Variants in CHD5 observed in about 807,000 individuals in gnomAD.
CHD5 encodes the protein ATP-dependent chromatin remodeler CHD5.
In CHD5, 69 loss-of-function variants were observed where a neutral mutation model predicts 230.3. That is an observed-to-expected ratio of 0.30 (90% CI 0.25 to 0.37). CHD5 has a LOEUF of 0.37. CHD5 is among the 10% of genes least tolerant of loss of function. CHD5 has a pLI of 1.00. For missense variants in CHD5, 1,827 were observed against 2,622.8 expected, an observed-to-expected ratio of 0.70 and a Z score of 6.63; for synonymous variants, 1,064 against 1,065.9, an observed-to-expected ratio of 1.00 and a Z score of 0.03.
rs897444847 is a variant in CHD5 at position 6,136,657 on chromosome 1, G to A, written c.2575-19C>T. The A allele has an allele frequency of 1.9e-6, 3 of 1,613,740 alleles. No homozygotes were observed. The highest frequency in any genetic ancestry group is 1.3e-5 in the African/African-American group (1 of 75,048). On this transcript the variant is annotated intron_variant, in intron 16 of 41. Transcript: ENST00000262450. ...TAAAAAACTGAGGGGAGGAGAGTGG[G>A]GCCTGTCAGGGGGCTCTGGGCGGCC...
At chr1:6,150,456 G>A (rs971405112) in intron 7 of CHD5, among the ~76,000 whole-genome samples, 7 of 147,956 alleles carry the variant, frequency 4.7e-5, no homozygotes, top group Non-Finnish European at 1.5e-5. Context: ...ATGGATGGAT[G>A]GATGGATGGA....
chr1:6,145,847 C>G (rs1666900424), intron 11 of CHD5, among the ~76,000 whole-genome samples: 1 of 152,222 alleles, frequency 6.6e-6, no homozygotes, highest in Admixed American at 6.5e-5. Flanking sequence ...GTACAGCCAG[C>G]TGCTGTTACA....
At chr1:6,173,914 T>C (rs115415928) in intron 1 of CHD5, among the ~76,000 whole-genome samples, 2,912 of 152,276 alleles carry the variant, frequency 0.019, 53 homozygotes, top group African/African-American at 0.049. Context: ...ATTTATGACA[T>C]TTAACAAAAC....
intron 1 of CHD5, among the ~76,000 whole-genome samples, chr1:6,170,626 G>T (rs1667322466): frequency 6.6e-6 from 1 of 152,184 alleles, no homozygotes; most frequent in Non-Finnish European, 1.5e-5. Flanking sequence ...CCCTGTGGAG[G>T]GCTAGGGCAC....
rs745426545 is a variant in CHD5, at chr1:6,112,966, C to T, written c.4945G>A (p.Asp1649Asn). 1.9e-6 allele frequency: 3 copies of T among 1,613,952 alleles called. No individual in the cohort carries two copies. In the East Asian group the frequency reaches 6.7e-5, roughly 36 times the overall value. ...EVLPEKEKIL[D>N]KLELSLIHSR... ...TGGATCAAGCTCAGCTCCAGCTTGT[C>T]CAGGATCTTCTCCTTCTCAGGAAGC... The change falls in exon 34 of 42, where the codon GAC becomes AAC. Residue 1649 changes from aspartate (D) to asparagine (N), a missense_variant. Asp to Asn is a conservative substitution (Grantham distance 23). Around this residue, in one of 14 missense-constraint regions of CHD5, gnomAD observed 272 missense variants for 263.2 expected, o/e 1.03. Coordinates refer to ENST00000262450, the MANE Select transcript of CHD5 (RefSeq NM_015557.3).
intron 33 of CHD5, chr1:6,113,235 C>T (rs1666321497): frequency 2.0e-6 from 1 of 506,104 alleles, no homozygotes; most frequent in Non-Finnish European, 3.6e-6. Flanking sequence ...ACCAGCCTGG[C>T]AACATAGTGA....
chr1:6,144,206 A>AAT, intron 11 of CHD5, 51 bp from the exon 12 acceptor site: 1 of 1,607,336 alleles, frequency 6.2e-7, no homozygotes. Context: ...GCCACAGCAC[A>AAT]GGTTTGATGA....
chr1:6,113,053 AC>A (rs1175548074), intron 33 of CHD5, 55 bp from the exon 34 acceptor site: 88 of 1,234,270 alleles, frequency 7.1e-5, no homozygotes, highest in Middle Eastern at 3.7e-4. Context: ...AACACAGAGG[AC>A]TCTGGGCTCG....
Position 6,179,995 on chromosome 1 carries a change from T to C in CHD5, c.29A>G (p.Glu10Gly), listed in dbSNP as rs1471540799. The change falls in exon 1 of 42, where the codon GAG becomes GGG. Residue 10 changes from glutamate to glycine, a missense_variant. Around this residue, in one of 14 missense-constraint regions of CHD5, gnomAD observed 113 missense variants for 91.9 expected, o/e 1.23. Transcript: ENST00000262450. ...CTCCTCGGCGAACAGCCGCGGCAGC[T>C]CCTCCTCGGTGCCCACTGGGCCCCG... MRGPVGTEEELPRLFAEEME... is the reference protein window; with the variant it reads MRGPVGTEEGLPRLFAEEME... 4.3e-6 allele frequency: 6 copies of C among 1,385,924 alleles called. No homozygotes were observed. In the African/African-American group the frequency reaches 7.6e-5, roughly 18 times the overall value. 85.9% of individuals were successfully genotyped at this position (1,385,924 alleles called of 1,614,324 possible). A position where few individuals can be genotyped will look rare whatever the true frequency, so the allele number is the denominator to read the frequency against.
intron 1 of CHD5, among the ~76,000 whole-genome samples, chr1:6,169,862 G>A (rs1667309311): frequency 6.6e-6 from 1 of 152,076 alleles, no homozygotes; most frequent in South Asian, 2.1e-4. Context: ...GGGGCAAAGA[G>A]AGGCCCCTCA....
chr1:6,153,666 C>A (rs1304008555), intron 5 of CHD5, among the ~76,000 whole-genome samples: 2 of 152,150 alleles, frequency 1.3e-5, no homozygotes, highest in Admixed American at 1.3e-4. Flanking sequence ...CCCGTCTCTA[C>A]TAAAAATACA....
intron 1 of CHD5, among the ~76,000 whole-genome samples, chr1:6,168,757 G>A (rs1557563431): frequency 6.6e-6 from 1 of 152,288 alleles, no homozygotes; most frequent in Middle Eastern, 3.4e-3. Context: ...AGTGGCTCAC[G>A]CCTGTAATCC....
intron 1 of CHD5, among the ~76,000 whole-genome samples, chr1:6,178,440 T>C (rs116148650): frequency 0.014 from 2,200 of 152,036 alleles, 60 homozygotes; most frequent in African/African-American, 0.05. Flanking sequence ...CCAAACACCA[T>C]AACAAACAAC....
Position 6,125,479 on chromosome 1 carries a change from C to T in CHD5, c.4260+45G>A, listed in dbSNP as rs1210848301. 1 of 1,530,726 alleles carries T rather than the reference C, an allele frequency of 6.5e-7. No individual in the cohort carries two copies. The highest frequency in any genetic ancestry group is 8.9e-7 in the Non-Finnish European group (1 of 1,127,738). The allele number at this position is 1,530,726 out of a possible 1,614,324, so 94.8% of individuals were successfully genotyped here. A position where few individuals can be genotyped will look rare whatever the true frequency, so the allele number is the denominator to read the frequency against. ...GCCCTCCTCCATACCCCAGGGGCAG[C>T]AGGAAGCAGGGGCAGAAAGAGATGC... On this transcript the variant is annotated intron_variant, in intron 28 of 41. Transcript: ENST00000262450. The surrounding 1 kb of genome is among the most constrained non-coding windows in gnomAD (Gnocchi z 6.7).
chr1:6,149,405 A>G lies in CHD5; in HGVS notation c.1002T>C (p.Asp334=). 6.2e-7 allele frequency: 1 copy of G among 1,608,150 alleles called. No individual in the cohort carries two copies. The highest frequency in any genetic ancestry group is 2.2e-5 in the East Asian group (1 of 44,708). Residue 334 remains aspartate (D), a synonymous_variant, in exon 8 of 42, where the codon GAT becomes GAC. Transcript: ENST00000262450. ...KRRRKKKRID[D]GDGYETDHQD... The stretch of plus-strand genomic sequence containing the variant: ...GGTGGTCTGTCTCATAGCCGTCACC[A>G]TCATCAACTAGGGTAGGGGAGAGGC...
At chr1:6,174,238 GA>G (rs1571176241) in intron 1 of CHD5, among the ~76,000 whole-genome samples, 2 of 152,084 alleles carry the variant, frequency 1.3e-5, no homozygotes, top group Non-Finnish European at 2.9e-5. Context: ...GACAGAGGGA[GA>G]GAGAGAGACA....
intron 31 of CHD5, among the ~76,000 whole-genome samples, chr1:6,122,459 G>C (rs565167007): frequency 2.6e-5 from 4 of 152,192 alleles, no homozygotes; most frequent in Admixed American, 6.5e-5. Flanking sequence ...ATGCTCCCAG[G>C]ACAGCTAGAA....
chr1:6,171,625 A>AC (rs1170752770), intron 1 of CHD5, among the ~76,000 whole-genome samples: 1 of 152,152 alleles, frequency 6.6e-6, no homozygotes, highest in East Asian at 1.9e-4. Flanking sequence ...TCTGGGGGTC[A>AC]CCATACAAGC....
rs936051641 is a variant in CHD5 at position 6,167,481 on chromosome 1, C to T, written c.207+669G>A. On this transcript the variant is annotated intron_variant, in intron 2 of 41. Coordinates refer to ENST00000262450, the MANE Select transcript of CHD5 (RefSeq NM_015557.3). The surrounding 1 kb of genome is among the most constrained non-coding windows in gnomAD (Gnocchi z 4.5). ...TAGGAAGGACTTTAAGCTGCAAACC[C>T]ACCTCAGTTTCCCCATCTGCCAACC... Among the ~76,000 whole-genome samples, 52 of 152,316 alleles carry T rather than the reference C, an allele frequency of 3.4e-4. 1 individual carries two copies. Among genetic ancestry groups the T allele is most frequent in the African/African-American group, 1.2e-3 (48 of 41,562 alleles).
Sources: allele counts gnomAD v4.1 joint callset (sites outside exome capture counted in the v4.1 genomes callset), GRCh38; gene constraint gnomAD v4.1.1; regional missense constraint gnomAD v4.1.1; non-coding constraint Gnocchi (gnomAD v3.1); transcripts MANE v1.5; gene names NCBI Gene and HGNC (gene_info 2026-07-23, HGNC 2026-07-21).